The following RPS6KA5 variants were observed in gnomAD, a reference collection of about 807,000 sequenced individuals.
The protein encoded by RPS6KA5 is ribosomal protein S6 kinase alpha-5.
A neutral mutation model predicts 85.5 loss-of-function variants in RPS6KA5; 27 were observed. That is an observed-to-expected ratio of 0.32 (90% CI 0.23 to 0.44). The LOEUF (loss-of-function observed/expected upper bound fraction) is 0.44. Among genes scored for constraint, RPS6KA5 ranks in the 20% least tolerant of loss-of-function variants. The pLI is 1.00. For synonymous variants in RPS6KA5, 334 were observed against 348.2 expected, an observed-to-expected ratio of 0.96 and a Z score of 0.46; for missense variants, 811 against 980.9, an observed-to-expected ratio of 0.83 and a Z score of 2.31.
At chr14:90,994,164 C>T (rs1001330311) in intron 2 of RPS6KA5, among the ~76,000 whole-genome samples, 3 of 152,130 alleles carry the variant, frequency 2.0e-5, no homozygotes, top group South Asian at 4.1e-4. Context: ...TGTGAGCCAC[C>T]ACACCCGGCC....
At chr14:90,979,296 G>A (rs2039695980) in intron 2 of RPS6KA5, among the ~76,000 whole-genome samples, 1 of 152,194 alleles carries the variant, frequency 6.6e-6, no homozygotes, top group Non-Finnish European at 1.5e-5. Context: ...AGGAAGAAGT[G>A]GAAGGAAGAG....
In RPS6KA5 at chr14:90,903,066, A is replaced by T. The variant is rs190438600; in HGVS notation, c.958-97T>A. The T allele has an allele frequency of 3.9e-6, 4 of 1,013,286 alleles. No individual in the cohort carries two copies. In the Admixed American group the frequency reaches 7.0e-5, roughly 18 times the overall value. The allele number at this position is 1,013,286 out of a possible 1,614,324, so 62.8% of individuals were successfully genotyped here. On this transcript the variant is annotated intron_variant, in intron 8 of 16. Coordinates refer to ENST00000614987, the MANE Select transcript of RPS6KA5 (RefSeq NM_004755.4). ...AATTAGGATTTTGACTGGTAGGGAG[A>T]GAGGATAAAAATAAGAGAACATATT... is the stretch of plus-strand genomic sequence containing the variant.
chr14:90,956,964 G>GTTTTT (rs61106740), intron 3 of RPS6KA5, among the ~76,000 whole-genome samples: 5 of 123,358 alleles, frequency 4.1e-5, no homozygotes, highest in Non-Finnish European at 8.3e-5. Context: ...CTGTTTTTCT[G>GTTTTT]TTTTTTTTTT....
chr14:91,027,787 A>G (rs2042038836), intron 1 of RPS6KA5, among the ~76,000 whole-genome samples: 1 of 152,186 alleles, frequency 6.6e-6, no homozygotes. Context: ...TAAAGGAGTT[A>G]CACTGACAGT....
At chr14:91,036,149 T>C (rs1408292550) in intron 1 of RPS6KA5, among the ~76,000 whole-genome samples, 2 of 152,144 alleles carry the variant, frequency 1.3e-5, no homozygotes, top group Non-Finnish European at 2.9e-5. Flanking sequence ...AAGAATTTAT[T>C]GACAAATGGA....
intron 3 of RPS6KA5, among the ~76,000 whole-genome samples, chr14:90,952,022 C>A (rs1460431876): frequency 6.6e-6 from 1 of 152,048 alleles, no homozygotes. Flanking sequence ...TATGATAATT[C>A]TTCTCAACCC....
intron 1 of RPS6KA5, among the ~76,000 whole-genome samples, chr14:91,010,587 T>C (rs777892848): frequency 2.7e-4 from 41 of 152,154 alleles, no homozygotes; most frequent in Non-Finnish European, 4.4e-4. Flanking sequence ...AGTATGTGAA[T>C]AGAAAAGCTT....
intron 2 of RPS6KA5, among the ~76,000 whole-genome samples, chr14:90,993,468 C>T (rs1369882121): frequency 6.6e-6 from 1 of 152,106 alleles, no homozygotes; most frequent in Non-Finnish European, 1.5e-5. Context: ...GAGCAAGACT[C>T]CGTCTCAAAA....
intron 14 of RPS6KA5, among the ~76,000 whole-genome samples, chr14:90,885,767 AAAAAAAG>A (rs1247608590): frequency 2.0e-3 from 282 of 139,860 alleles, no homozygotes; most frequent in Non-Finnish European, 3.6e-3. Flanking sequence ...AAAAAAAAAA[AAAAAAAG>A]AAAAAAGAAA....
chr14:90,916,183 G>A (rs931895798), intron 7 of RPS6KA5, among the ~76,000 whole-genome samples: 2 of 152,158 alleles, frequency 1.3e-5, no homozygotes, highest in Non-Finnish European at 2.9e-5. Flanking sequence ...TACAACTAAA[G>A]TTGTCCATTA....
intron 14 of RPS6KA5, among the ~76,000 whole-genome samples, chr14:90,880,967 T>C (rs879839764): frequency 2.0e-5 from 3 of 151,840 alleles, no homozygotes; most frequent in Non-Finnish European, 2.9e-5. Context: ...TCTGAGTATC[T>C]GAGACTACAG....
intron 3 of RPS6KA5, among the ~76,000 whole-genome samples, chr14:90,949,316 C>A (rs1344634772): frequency 6.6e-6 from 1 of 152,208 alleles, no homozygotes; most frequent in Non-Finnish European, 1.5e-5. Flanking sequence ...ATGGCCACTC[C>A]AGTAGAGCTG....
intron 16 of RPS6KA5, among the ~76,000 whole-genome samples, 170 bp downstream of exon 16, chr14:90,873,462 A>G (rs2033250024): frequency 6.6e-6 from 1 of 152,220 alleles, no homozygotes; most frequent in African/African-American, 2.4e-5. Context: ...ACTTATTGTT[A>G]TAAAGTGTTT....
intron 2 of RPS6KA5, among the ~76,000 whole-genome samples, chr14:90,994,287 T>C (rs2140542965): frequency 6.6e-6 from 1 of 152,292 alleles, no homozygotes; most frequent in East Asian, 1.9e-4. Flanking sequence ...TCTCTTTAGC[T>C]ATATCTCATC....
rs1423590511 is a variant in RPS6KA5, at chr14:90,900,140, G to A, written c.1347C>T (p.Asn449=). The part of the protein sequence containing the change: ...ICRKCVHKKS[N]QAFAVKIISK... The stretch of plus-strand genomic sequence containing the variant: ...TGATTATTTTGACTGCAAAAGCTTG[G>A]TTACTTTTTTTATGCACACACTTTC... The change falls in exon 11 of 17, where the codon AAC becomes AAT. Residue 449 remains asparagine, a synonymous_variant. Transcript: ENST00000614987. 9 of 1,603,074 alleles carry A rather than the reference G, an allele frequency of 5.6e-6. No individual in the cohort carries two copies. Among genetic ancestry groups the A allele is most frequent in the Admixed American group, 1.7e-5 (1 of 59,382 alleles).
chr14:90,956,911 G>T (rs2038542807), intron 3 of RPS6KA5, among the ~76,000 whole-genome samples: 2 of 150,636 alleles, frequency 1.3e-5, no homozygotes, highest in South Asian at 4.2e-4. Context: ...AGATAGAAGG[G>T]GAAATACATA....
chr14:90,940,906 T>C (rs1298088719), intron 5 of RPS6KA5, among the ~76,000 whole-genome samples: 1 of 152,188 alleles, frequency 6.6e-6, no homozygotes, highest in Admixed American at 6.5e-5. Flanking sequence ...ATAAATGTAA[T>C]GTGCTTGAAT....
intron 14 of RPS6KA5, among the ~76,000 whole-genome samples, chr14:90,882,949 C>G (rs2033951123): frequency 6.6e-6 from 1 of 152,066 alleles, no homozygotes; most frequent in South Asian, 2.1e-4. Context: ...AGGTGTGTGC[C>G]ACCACGCCTG....
chr14:90,994,561 ATTTTTTTT>A (rs935828871), intron 2 of RPS6KA5, among the ~76,000 whole-genome samples: 1 of 61,922 alleles, frequency 1.6e-5, no homozygotes, highest in Non-Finnish European at 3.3e-5. Flanking sequence ...GATGTTTGTG[ATTTTTTTT>A]TTTTTTTTTT....
Sources: allele counts gnomAD v4.1 joint callset (sites outside exome capture counted in the v4.1 genomes callset), GRCh38; gene constraint gnomAD v4.1.1; transcripts MANE v1.5; gene names NCBI Gene and HGNC (gene_info 2026-07-23, HGNC 2026-07-21).